The following SRGAP3 variants were observed in gnomAD, a reference collection of about 807,000 sequenced individuals.
SRGAP3 encodes the protein SLIT-ROBO Rho GTPase-activating protein 3.
SRGAP3 carries 39 observed loss-of-function variants against 121.1 expected under a neutral mutation model. The ratio of observed to expected loss-of-function variants is 0.32; its 90% CI spans 0.25 to 0.42. The LOEUF is 0.42. Among genes scored for constraint, SRGAP3 ranks in the 10% least tolerant of loss-of-function variants. The pLI, the probability that SRGAP3 is intolerant of heterozygous loss-of-function variation, is 1.00. For synonymous variants in SRGAP3, 601 were observed against 570.0 expected, an observed-to-expected ratio of 1.05 and a Z score of -0.77; for missense variants, 1,213 against 1,470.6, an observed-to-expected ratio of 0.82 and a Z score of 2.86.
intron 17 of SRGAP3, among the ~76,000 whole-genome samples, chr3:9,011,226 T>C (rs1943357606): frequency 6.6e-6 from 1 of 152,164 alleles, no homozygotes; most frequent in Admixed American, 6.5e-5. Context: ...AGTTATGTTA[T>C]GTAGTGTTAT....
intron 3 of SRGAP3, among the ~76,000 whole-genome samples, chr3:9,284,726 G>A (rs1386757672): frequency 5.9e-5 from 9 of 151,874 alleles, no homozygotes; most frequent in Non-Finnish European, 1.2e-4. Flanking sequence ...CCAGCTACTC[G>A]GGAGACTGAC....
intron 1 of SRGAP3, among the ~76,000 whole-genome samples, chr3:9,135,498 G>A (rs1949611331): frequency 6.6e-6 from 1 of 152,200 alleles, no homozygotes; most frequent in Admixed American, 6.5e-5. Flanking sequence ...TAGCGGAGAT[G>A]ATGTGGCCCA....
chr3:9,154,641 T>C (rs1226541394), intron 1 of SRGAP3, among the ~76,000 whole-genome samples: 2 of 152,204 alleles, frequency 1.3e-5, no homozygotes, highest in Admixed American at 1.3e-4. Context: ...ACATGAAGTA[T>C]CACCAACTGC....
intron 2 of SRGAP3, among the ~76,000 whole-genome samples, chr3:9,329,368 C>A (rs756106282): frequency 1.3e-5 from 2 of 151,970 alleles, no homozygotes; most frequent in Non-Finnish European, 2.9e-5. Flanking sequence ...CACCATCACA[C>A]TGGGGGCCAA....
chr3:9,225,697 C>T lies in SRGAP3; in HGVS notation c.67+23188G>A, dbSNP rs115509532. The stretch of plus-strand genomic sequence containing the variant: ...CAATGGCACCTTAAGGTCACAACAG[C>T]GCAGGGCCTTTAAAACAAGCCATGA... On this transcript the variant is annotated intron_variant, in intron 1 of 21. Coordinates refer to ENST00000383836, the MANE Select transcript of SRGAP3 (RefSeq NM_014850.4). 5.9e-3 allele frequency among the ~76,000 whole-genome samples: 896 copies of T among 152,232 alleles called. 14 individuals are homozygous for T. The highest frequency in any genetic ancestry group is 0.021 in the African/African-American group (864 of 41,532).
chr3:9,194,448 T>G (rs940129969), intron 1 of SRGAP3: 1 of 152,238 alleles, frequency 6.6e-6, no homozygotes, highest in African/African-American at 2.4e-5. Context: ...ATGTTATCTA[T>G]TTTTACGATT....
chr3:9,323,721 T>C (rs1197924168), intron 3 of SRGAP3, among the ~76,000 whole-genome samples: 1 of 151,690 alleles, frequency 6.6e-6, no homozygotes, highest in Non-Finnish European at 1.5e-5. Context: ...TGACCAGTTC[T>C]GGTTTTCTTC....
intron 1 of SRGAP3, among the ~76,000 whole-genome samples, chr3:9,196,810 T>C (rs538124210): frequency 4.6e-5 from 7 of 152,294 alleles, no homozygotes; most frequent in African/African-American, 1.7e-4. Flanking sequence ...TATTTTAAGA[T>C]AGCAAAGTTG....
In SRGAP3 at chr3:9,344,221, G is replaced by A. The variant is rs187199594; in HGVS notation, n.215-13625C>T. 5.6e-3 allele frequency among the ~76,000 whole-genome samples: 858 copies of A among 151,906 alleles called. 12 individuals are homozygous for A. Among genetic ancestry groups the A allele is most frequent in the African/African-American group, 0.02 (814 of 41,438 alleles). On this transcript the variant is annotated intron_variant and non_coding_transcript_variant, in intron 1 of 3. Transcript: ENST00000490889. ...TGTAATCCCAGAACTTTGGGAGGCC[G>A]AGGCGGGCGGATCACCTGAGGTCAG...
chr3:9,288,378 C>T (rs1954815711), intron 3 of SRGAP3, among the ~76,000 whole-genome samples: 1 of 151,914 alleles, frequency 6.6e-6, no homozygotes, highest in Non-Finnish European at 1.5e-5. Context: ...CTCGGATGAT[C>T]TGCCCACCTC....
chr3:9,013,286 A>G, intron 17 of SRGAP3, 22 bp downstream of exon 17: 1 of 1,604,040 alleles, frequency 6.2e-7, no homozygotes, highest in Non-Finnish European at 8.5e-7. Flanking sequence ...TGATAATAAT[A>G]TTAAGAGGAA....
At chr3:9,151,939 G>A (rs907405408) in intron 1 of SRGAP3, among the ~76,000 whole-genome samples, 6 of 152,210 alleles carry the variant, frequency 3.9e-5, no homozygotes, top group African/African-American at 9.7e-5. Context: ...GGATAGAACC[G>A]GGTTCCTGGG....
At chr3:9,361,795 G>T (rs928283122) in intron 1 of SRGAP3, among the ~76,000 whole-genome samples, 4 of 152,154 alleles carry the variant, frequency 2.6e-5, no homozygotes, top group African/African-American at 9.7e-5. Context: ...CCTGATAAGA[G>T]ATCACCCACC....
At chr3:9,348,840 A>C (rs2029895873) in intron 1 of SRGAP3, 1 of 1,328,662 alleles carries the variant, frequency 7.5e-7, no homozygotes, top group East Asian at 2.3e-5. Context: ...CCTTTCTACA[A>C]CATCAGTAAG....
chr3:9,086,792 T>C (rs1324062709), intron 3 of SRGAP3, among the ~76,000 whole-genome samples: 1 of 148,782 alleles, frequency 6.7e-6, no homozygotes, highest in Admixed American at 6.7e-5. Context: ...TGTATATATG[T>C]ATTACATATA....
intron 1 of SRGAP3, among the ~76,000 whole-genome samples, chr3:9,182,464 G>C (rs1209717178): frequency 6.6e-6 from 1 of 151,938 alleles, no homozygotes; most frequent in East Asian, 1.9e-4. Flanking sequence ...AAAAGACCAG[G>C]AAGGATTTTC....
intron 1 of SRGAP3, among the ~76,000 whole-genome samples, chr3:9,170,440 GAA>G (rs2125097020): frequency 1.3e-5 from 2 of 152,298 alleles, no homozygotes; most frequent in African/African-American, 4.8e-5. Context: ...CCAGGGGAAA[GAA>G]ACTCTCCAGC....
chr3:9,301,731 G>A (rs966134204), intron 3 of SRGAP3, among the ~76,000 whole-genome samples: 1 of 152,276 alleles, frequency 6.6e-6, no homozygotes, highest in Non-Finnish European at 1.5e-5. Context: ...ACAGGAATGA[G>A]CGTGGGACGC....
At chr3:9,158,268 G>A (rs1193806366) in intron 1 of SRGAP3, among the ~76,000 whole-genome samples, 1 of 152,174 alleles carries the variant, frequency 6.6e-6, no homozygotes, top group African/African-American at 2.4e-5. Flanking sequence ...AGGTGGGGTG[G>A]GGAGGGATTC....
Sources: allele counts gnomAD v4.1 joint callset (sites outside exome capture counted in the v4.1 genomes callset), GRCh38; gene constraint gnomAD v4.1.1; transcripts MANE v1.5; gene names NCBI Gene and HGNC (gene_info 2026-07-23, HGNC 2026-07-21).